SCN8A: variants seen among roughly 807,000 people sequenced by gnomAD.
SCN8A encodes the protein sodium voltage-gated channel alpha subunit 8.
In SCN8A, 30 loss-of-function variants were observed where a neutral mutation model predicts 184.1. That is an observed-to-expected ratio of 0.16 (90% CI 0.12 to 0.22). SCN8A has a LOEUF of 0.22. Among genes scored for constraint, SCN8A ranks in the 10% least tolerant of loss-of-function variants. SCN8A has a pLI of 1.00. For missense variants in SCN8A, 1,057 were observed against 2,498.9 expected (o/e 0.42, Z 12.30); for synonymous variants, 852 against 907.0 (o/e 0.94, Z 1.09).
intron 5 of SCN8A, among the ~76,000 whole-genome samples, chr12:51,688,487 A>G (rs564158149): frequency 1.3e-5 from 2 of 152,314 alleles, no homozygotes; most frequent in Admixed American, 6.5e-5. Flanking sequence ...AAAAATGTGA[A>G]TGGGCTGACA....
chr12:51,684,051 A>T (rs1941378920), intron 2 of SCN8A, 123 bp from the exon 3 acceptor site: 2 of 696,098 alleles, frequency 2.9e-6, no homozygotes, highest in Non-Finnish European at 5.2e-6. Flanking sequence ...TTTAAAAACC[A>T]AGTTGGGAAG....
intron 6 of SCN8A, chr12:51,689,343 A>C (rs918132907): frequency 9.0e-6 from 4 of 444,028 alleles, no homozygotes; most frequent in Admixed American, 7.5e-5. Flanking sequence ...AATCACTTGG[A>C]TCTCACCATA....
chr12:51,591,905 T>C (rs1187210198), intron 1 of SCN8A, among the ~76,000 whole-genome samples: 1 of 151,598 alleles, frequency 6.6e-6, no homozygotes, highest in Non-Finnish European at 1.5e-5. Flanking sequence ...CCCGACTCCC[T>C]CTGTCCTTTA....
At chr12:51,744,960 T>C (rs1271888793) in intron 12 of SCN8A, among the ~76,000 whole-genome samples, 1 of 152,166 alleles carries the variant, frequency 6.6e-6, no homozygotes, top group Admixed American at 6.5e-5. Context: ...TCCTCTTACC[T>C]TCACCATCTT....
chr12:51,769,327 A>G lies in SCN8A; in HGVS notation c.3364A>G (p.Ser1122Gly), dbSNP rs554826191. The G allele has an allele frequency of 1.3e-6, 2 of 1,583,906 alleles. No homozygotes were observed. Among genetic ancestry groups the G allele is most frequent in the African/African-American group, 2.7e-5 (2 of 74,522 alleles). The part of the protein sequence containing the change: ...DVSSESDPEG[S>G]KDKLDDTSSS... ...TAGCAGCGAGTCGGATCCTGAAGGC[A>G]GCAAAGATGTAAGGTCCCAGCCTAG... Residue 1122 changes from serine (S) to glycine (G), a missense_variant, in exon 17 of 27, where the codon AGC becomes GGC. Ser to Gly is a moderately conservative substitution (Grantham distance 56). Around this residue, in one of 19 missense-constraint regions of SCN8A, gnomAD observed 178 missense variants for 259.6 expected, o/e 0.69. Transcript: ENST00000627620.
rs143215991 is a variant in SCN8A at position 51,710,823 on chromosome 12, G to C, written c.1635+4108G>C. 9.7e-4 allele frequency among the ~76,000 whole-genome samples: 148 copies of C among 152,088 alleles called. No homozygotes were observed. In the East Asian group the frequency reaches 0.024, roughly 24 times the overall value. ...TTGGAAATCTTCATTTTATCTTTCTGTTATGTTTTATATGTACCTCTTTAT... is the reference window on the plus strand; with the variant it reads ...TTGGAAATCTTCATTTTATCTTTCTCTTATGTTTTATATGTACCTCTTTAT... On this transcript the variant is annotated intron_variant, in intron 11 of 26. Transcript: ENST00000627620.
At chr12:51,701,746 G>A (rs10876205) in intron 8 of SCN8A, among the ~76,000 whole-genome samples, 1 of 151,992 alleles carries the variant, frequency 6.6e-6, no homozygotes, top group African/African-American at 2.4e-5. Context: ...CAGGGTTACT[G>A]TAAGGATCCA....
At chr12:51,779,693 T>TATCAAATTTTGTTTTCCA (rs1937834920) in intron 20 of SCN8A, among the ~76,000 whole-genome samples, 1 of 152,232 alleles carries the variant, frequency 6.6e-6, no homozygotes, top group Admixed American at 6.5e-5. Flanking sequence ...TTTCCTCATC[T>TATCAAATTTTGTTTTCCA]ATCAAATTTT....
chr12:51,652,745 A>G (rs775532250), intron 1 of SCN8A, among the ~76,000 whole-genome samples: 7 of 152,172 alleles, frequency 4.6e-5, no homozygotes, highest in Non-Finnish European at 7.3e-5. Flanking sequence ...TACTTTCTCC[A>G]GGAAGCTTTC....
At chr12:51,702,321 CAAAAAAAAAA>C (rs747855764) in intron 8 of SCN8A, among the ~76,000 whole-genome samples, 3 of 76,602 alleles carry the variant, frequency 3.9e-5, no homozygotes, top group Non-Finnish European at 5.7e-5. Flanking sequence ...GACTCTGTAT[CAAAAAAAAAA>C]AAAAAAAAAA....
chr12:51,766,375 C>T (rs181248279), intron 16 of SCN8A: 34 of 328,708 alleles, frequency 1.0e-4, no homozygotes, highest in Admixed American at 2.7e-4. Context: ...TTTTTCTTAA[C>T]GACAATTTCT....
intron 12 of SCN8A, among the ~76,000 whole-genome samples, chr12:51,734,550 C>T (rs890977851): frequency 5.3e-5 from 8 of 152,238 alleles, no homozygotes; most frequent in Admixed American, 2.0e-4. Context: ...GTTTTCCACC[C>T]TGGGCGGGCC....
At chr12:51,710,514 C>T (rs1430666572) in intron 11 of SCN8A, among the ~76,000 whole-genome samples, 4 of 152,076 alleles carry the variant, frequency 2.6e-5, no homozygotes, top group Non-Finnish European at 5.9e-5. Context: ...AAAAAATTGG[C>T]CAGGCGTGGT....
At chr12:51,599,303 G>T (rs1939414634) in intron 1 of SCN8A, among the ~76,000 whole-genome samples, 1 of 152,156 alleles carries the variant, frequency 6.6e-6, no homozygotes. Context: ...AAGTTGGAAA[G>T]GATTTATTGC....
intron 26 of SCN8A, among the ~76,000 whole-genome samples, chr12:51,795,328 T>TGGCA (rs926376286): frequency 2.4e-4 from 37 of 152,360 alleles, no homozygotes; most frequent in African/African-American, 8.4e-4. Flanking sequence ...GATGATGTCC[T>TGGCA]GGCAGGCAGG....
At chr12:51,763,037 A>AC (rs1942784304) in intron 15 of SCN8A, among the ~76,000 whole-genome samples, 1 of 152,128 alleles carries the variant, frequency 6.6e-6, no homozygotes, top group African/African-American at 2.4e-5. Context: ...TAGTGAATCT[A>AC]TTTTTTTAAA....
chr12:51,635,624 C>G (rs370054657), intron 1 of SCN8A, among the ~76,000 whole-genome samples: 4 of 152,198 alleles, frequency 2.6e-5, no homozygotes, highest in African/African-American at 9.6e-5. Context: ...GTAATTCTCT[C>G]TGGAACTCTT....
Position 51,605,220 on chromosome 12 carries a change from G to GTGTGTA in SCN8A, c.-55+13861_-55+13862insTGTGTA, listed in dbSNP as rs1415969786. Among the ~76,000 whole-genome samples the GTGTGTA allele has an allele frequency of 3.3e-5, 5 of 151,128 alleles. No homozygotes were observed. In the East Asian group the frequency reaches 9.7e-4, roughly 29 times the overall value. On this transcript the variant is annotated intron_variant, in intron 1 of 26. Coordinates refer to ENST00000627620, the MANE Select transcript of SCN8A (RefSeq NM_001330260.2). ...AGATTTTGGTGTACCCATCACCTGA[G>GTGTGTA]CAGTACACACTGCACCATATTTGTA... is the stretch of plus-strand genomic sequence containing the variant.
At chr12:51,654,015 A>G (rs988805753) in intron 1 of SCN8A, among the ~76,000 whole-genome samples, 1 of 152,180 alleles carries the variant, frequency 6.6e-6, no homozygotes, top group Non-Finnish European at 1.5e-5. Context: ...AGAAAAGTCT[A>G]TTCAAGTCTT....
Sources: gnomAD v4.1 joint callset for allele counts (sites outside exome capture counted in the v4.1 genomes callset) on GRCh38, gnomAD v4.1.1 for gene constraint, gnomAD v4.1.1 regional missense constraint, MANE v1.5 for transcripts, NCBI Gene and HGNC (gene_info 2026-07-23, HGNC 2026-07-21) for gene names.